ADGRG3: variants seen among roughly 807,000 people sequenced by gnomAD.
ADGRG3 encodes the protein G protein-coupled receptor 97.
A neutral mutation model predicts 54.3 loss-of-function variants in ADGRG3; 39 were observed. The observed-to-expected ratio is 0.72, with a 90% confidence interval of 0.56 to 0.94. The LOEUF is 0.94. Ranked by LOEUF, ADGRG3 falls within the 40% of genes least tolerant of loss-of-function variation. The pLI, the probability that ADGRG3 is intolerant of heterozygous loss-of-function variation, is 0.00. For synonymous variants in ADGRG3, 312 were observed against 290.0 expected (o/e 1.08, Z -0.77); for missense variants, 654 against 694.6 (o/e 0.94, Z 0.66).
chr16:57,665,638 A>T (rs1254583490), upstream of ADGRG3: 2 of 152,228 alleles, frequency 1.3e-5, no homozygotes, highest in African/African-American at 4.8e-5. Flanking sequence ...GAGGCAGATC[A>T]CGCAGGTTCC....
chr16:57,676,019 C>T lies in ADGRG3; in HGVS notation c.207-181C>T, dbSNP rs536352721. Among the ~76,000 whole-genome samples, 6 of 152,306 alleles carry T rather than the reference C, an allele frequency of 3.9e-5. No homozygotes were observed. The East Asian group carries it at 7.7e-4, about 20-fold the overall frequency. ...CAAACACATAAAATACTCAGAGGGA[C>T]GCCTAGCTGGAATTCTGCAGGAGCA... On this transcript the variant is annotated intron_variant, in intron 2 of 11. Coordinates refer to ENST00000333493, the MANE Select transcript of ADGRG3 (RefSeq NM_170776.5).
chr16:57,683,344 A>G lies in ADGRG3; in HGVS notation c.882-588A>G, dbSNP rs77657568. Among the ~76,000 whole-genome samples, 4 of 152,184 alleles carry G rather than the reference A, an allele frequency of 2.6e-5. No individual in the cohort carries two copies. The East Asian group carries it at 7.7e-4, about 29-fold the overall frequency. ...ACCTCCATCCCATAATTTTAAGTACATGCATGATATGCAGCCCATATGCAT... is the reference window on the plus strand; with the variant it reads ...ACCTCCATCCCATAATTTTAAGTACGTGCATGATATGCAGCCCATATGCAT... On this transcript the variant is annotated intron_variant, in intron 8 of 11. Transcript: ENST00000333493.
chr16:57,687,240 A>G (rs2048490105), intron 11 of ADGRG3, among the ~76,000 whole-genome samples: 1 of 145,598 alleles, frequency 6.9e-6, no homozygotes, highest in Non-Finnish European at 1.5e-5. Context: ...TCCCGTACTT[A>G]TCTCACCAGC....
At chr16:57,668,535 T>A in intron 1 of ADGRG3, 130 bp downstream of exon 1, 1 of 843,252 alleles carries the variant, frequency 1.2e-6, no homozygotes, top group Non-Finnish European at 1.9e-6. Context: ...TGTCCTCCGA[T>A]ACCCCCCGTG....
chr16:57,676,408 A>G, intron 3 of ADGRG3, 70 bp downstream of exon 3: 3 of 1,455,254 alleles, frequency 2.1e-6, no homozygotes, highest in Non-Finnish European at 2.9e-6. Flanking sequence ...TCAAAACTCT[A>G]AGAGAGTTAT....
chr16:57,676,969 A>G (rs748283882), intron 3 of ADGRG3, among the ~76,000 whole-genome samples: 8 of 152,242 alleles, frequency 5.3e-5, no homozygotes, highest in Non-Finnish European at 1.0e-4. Flanking sequence ...GTGGTGGTGG[A>G]ACTTCAGGCA....
rs773460333 is a variant in ADGRG3, at chr16:57,678,298, TCCAGG to T, written c.475_479del (p.Pro159AspfsTer36). ...TGGCCGTCACCATTCTGGACATTGG[TCCAGG>T]GACTCTCTTCAAGGTGAGGACTCAG... On this transcript the variant is annotated frameshift_variant, in exon 4 of 12. Transcript: ENST00000333493. LOFTEE classifies it high-confidence loss of function. The T allele has an allele frequency of 1.9e-6, 3 of 1,614,166 alleles. No homozygotes were observed. Among genetic ancestry groups the T allele is most frequent in the Non-Finnish European group, 2.5e-6 (3 of 1,180,012 alleles).
At chr16:57,672,056 T>C (rs1388811261) in intron 1 of ADGRG3, among the ~76,000 whole-genome samples, 2 of 152,104 alleles carry the variant, frequency 1.3e-5, no homozygotes, top group Non-Finnish European at 2.9e-5. Flanking sequence ...GGCATGTGCC[T>C]GTAGTCCCAG....
At chr16:57,666,990 C>T (rs1201646104), upstream of ADGRG3, among the ~76,000 whole-genome samples, 1 of 152,234 alleles carries the variant, frequency 6.6e-6, no homozygotes, top group Non-Finnish European at 1.5e-5. Context: ...AGAAGGCTGG[C>T]CAGGTGTGGA....
chr16:57,675,036 C>T (rs1202305963), intron 2 of ADGRG3, among the ~76,000 whole-genome samples: 2 of 145,804 alleles, frequency 1.4e-5, no homozygotes, highest in African/African-American at 5.1e-5. Context: ...GCAGCAGCAG[C>T]ATCTTGTACG....
chr16:57,670,033 C>T (rs1050503478), intron 1 of ADGRG3, among the ~76,000 whole-genome samples: 4 of 152,174 alleles, frequency 2.6e-5, no homozygotes, highest in Admixed American at 1.3e-4. Flanking sequence ...ACTGTGGCTA[C>T]AGGAGGGAAA....
At chr16:57,683,849 A>G (rs2048420780) in intron 8 of ADGRG3, 83 bp from the exon 9 acceptor site, 1 of 1,128,588 alleles carries the variant, frequency 8.9e-7, no homozygotes, top group African/African-American at 1.6e-5. Flanking sequence ...GCCATAGGCT[A>G]TTGGGGTGGA....
In ADGRG3 at chr16:57,678,161, T is replaced by G. The variant is rs2048296973; in HGVS notation, c.346-9T>G. 6.2e-7 allele frequency: 1 copy of G among 1,613,690 alleles called. No individual in the cohort carries two copies. The highest frequency in any genetic ancestry group is 8.5e-7 in the Non-Finnish European group (1 of 1,179,810). On this transcript the variant is annotated splice_polypyrimidine_tract_variant and intron_variant, in intron 3 of 11. Transcript: ENST00000333493. ...GTACAGATGGGAGCTGCTGTGTCTG[T>G]GGTTGTAGGTTCCGAGGCAGGTGAT...
upstream of ADGRG3, among the ~76,000 whole-genome samples, chr16:57,667,949 G>A (rs1278749630): frequency 6.6e-6 from 1 of 152,220 alleles, no homozygotes; most frequent in Non-Finnish European, 1.5e-5. Context: ...GAGGCTCCCA[G>A]CTTGTGAGAG....
rs868457442 is a variant in ADGRG3 at position 57,680,324 on chromosome 16, G to T, written c.727G>T (p.Val243Leu). Residue 243 changes from valine to leucine, a missense_variant, in exon 7 of 12, where the codon GTG becomes TTG. Coordinates refer to ENST00000333493, the MANE Select transcript of ADGRG3 (RefSeq NM_170776.5). ...CACGGAGGTCAGACCTGAGGGGACC[G>T]TGTGCTGCTGTGACCACCTGACCTT... The part of the protein sequence containing the change: ...CSTEVRPEGT[V>L]CCCDHLTFFA... 6.2e-7 allele frequency: 1 copy of T among 1,612,266 alleles called. No individual in the cohort carries two copies. The highest frequency in any genetic ancestry group is 1.3e-5 in the African/African-American group (1 of 74,230).
chr16:57,668,145 G>T, upstream of ADGRG3: 1 of 586,220 alleles, frequency 1.7e-6, no homozygotes, highest in Admixed American at 3.0e-5. Flanking sequence ...CCAGGGTGCG[G>T]TGAGACTGGG....
chr16:57,677,651 G>A (rs736570), intron 3 of ADGRG3, among the ~76,000 whole-genome samples: 81,926 of 152,116 alleles, frequency 0.54, 24,022 homozygotes, highest in African/African-American at 0.78. Context: ...TTTGTTTTTT[G>A]AAAATGTGTT....
At chr16:57,679,401 A>G (rs2048323036) in intron 5 of ADGRG3, 90 bp downstream of exon 5, 2 of 1,375,428 alleles carry the variant, frequency 1.5e-6, no homozygotes, top group South Asian at 1.2e-5. Flanking sequence ...GGGACACTAC[A>G]TATCTGTCCC....
At chr16:57,679,440 C>A in intron 5 of ADGRG3, 129 bp downstream of exon 5, 1 of 1,017,406 alleles carries the variant, frequency 9.8e-7, no homozygotes, top group Non-Finnish European at 1.5e-6. Context: ...CCAGGAGGAG[C>A]CATTAGGGCC....
Sources: gnomAD v4.1 joint callset for allele counts (sites outside exome capture counted in the v4.1 genomes callset) on GRCh38, gnomAD v4.1.1 for gene constraint, MANE v1.5 for transcripts, NCBI Gene and HGNC (gene_info 2026-07-23, HGNC 2026-07-21) for gene names.